The following OVOL1 variants were observed in gnomAD, a reference collection of about 807,000 sequenced individuals.
OVOL1 encodes ovo like transcriptional repressor 1.
Under a neutral mutation model 21.5 loss-of-function variants are expected in OVOL1, and 10 were observed. That is an observed-to-expected ratio of 0.46 (90% CI 0.29 to 0.79). The LOEUF (loss-of-function observed/expected upper bound fraction) is 0.79. Among genes scored for constraint, OVOL1 ranks in the 30% least tolerant of loss-of-function variants. The pLI is 0.10. For synonymous variants in OVOL1, 129 were observed against 150.3 expected (o/e 0.86, Z 1.03); for missense variants, 279 against 362.3 (o/e 0.77, Z 1.87).
chr11:65,788,098 C>T (rs1857939927), intron 1 of OVOL1, among the ~76,000 whole-genome samples: 1 of 152,202 alleles, frequency 6.6e-6, no homozygotes, highest in Non-Finnish European at 1.5e-5. Context: ...GCCCGCTGCG[C>T]CCCGCTTGCC....
intron 3 of OVOL1, 117 bp downstream of exon 3, chr11:65,794,844 C>T (rs1012798166): frequency 5.2e-6 from 6 of 1,144,988 alleles, no homozygotes; most frequent in East Asian, 4.9e-5. Context: ...GAGGGCATCC[C>T]GGAGCTCAGG....
intron 1 of OVOL1, among the ~76,000 whole-genome samples, chr11:65,791,946 G>A (rs755748096): frequency 7.9e-5 from 12 of 152,382 alleles, no homozygotes; most frequent in Non-Finnish European, 1.2e-4. Context: ...GCGTGTGGCC[G>A]CAGAAGGGAC....
At chr11:65,791,528 C>T (rs1858017713) in intron 1 of OVOL1, among the ~76,000 whole-genome samples, 1 of 152,222 alleles carries the variant, frequency 6.6e-6, no homozygotes, top group African/African-American at 2.4e-5. Flanking sequence ...GGGGACCCGG[C>T]ACTTTCCCCA....
intron 3 of OVOL1, 78 bp downstream of exon 3, chr11:65,794,805 C>T: frequency 2.8e-6 from 4 of 1,433,816 alleles, no homozygotes; most frequent in Non-Finnish European, 3.9e-6. Flanking sequence ...CCAGCACCCC[C>T]TGCTCTCCCT....
At chr11:65,794,293 A>T in intron 2 of OVOL1, 45 bp downstream of exon 2, 3 of 1,521,316 alleles carry the variant, frequency 2.0e-6, no homozygotes, top group Non-Finnish European at 2.7e-6. Context: ...GCGTGCATGT[A>T]GACCTGCGTC....
At chr11:65,792,720 C>T (rs921456931) in intron 1 of OVOL1, among the ~76,000 whole-genome samples, 3 of 152,318 alleles carry the variant, frequency 2.0e-5, no homozygotes, top group South Asian at 4.1e-4. Flanking sequence ...TGGGCGGCGG[C>T]GGGTGCATTC....
rs1858135881 is a variant in OVOL1, at chr11:65,796,481, C to G, written c.*1140C>G. The G allele has an allele frequency of 6.6e-6, 1 of 152,240 alleles. No homozygotes were observed. Among genetic ancestry groups the G allele is most frequent in the African/African-American group, 2.4e-5 (1 of 41,440 alleles). 9.4% of individuals were successfully genotyped at this position (152,240 alleles called of 1,614,324 possible). On this transcript the variant is annotated 3_prime_UTR_variant, in exon 4 of 4. Coordinates refer to ENST00000335987, the MANE Select transcript of OVOL1 (RefSeq NM_004561.4). The stretch of plus-strand genomic sequence containing the variant: ...ACTCTTGCAGGGCCAGGCTGGAAGA[C>G]CGGCCCTTTTCTTGGTTGAGTCAAA...
At chr11:65,793,515 C>A (rs758803376) in intron 1 of OVOL1, among the ~76,000 whole-genome samples, 8 of 152,208 alleles carry the variant, frequency 5.3e-5, no homozygotes, top group Non-Finnish European at 8.8e-5. Context: ...ACAGCAGGGA[C>A]CGGCCTGCTG....
rs1858100380 is a variant in OVOL1 at position 65,794,991 on chromosome 11, A to T, written c.509-55A>T. On this transcript the variant is annotated intron_variant, in intron 3 of 3. Transcript: ENST00000335987. Reference sequence around the variant, plus strand: ...TCCTTTCTGTGTCTGGAAGCAGCCGACAGCCTCTGAAGTCCCTGCCAGGTC... The same window carrying T: ...TCCTTTCTGTGTCTGGAAGCAGCCGTCAGCCTCTGAAGTCCCTGCCAGGTC... 1.5e-5 allele frequency: 23 copies of T among 1,565,004 alleles called. No homozygotes were observed. In the South Asian group the frequency reaches 2.5e-4, roughly 17 times the overall value.
Position 65,795,544 on chromosome 11 carries a change from C to G in OVOL1, c.*203C>G. 1.7e-6 allele frequency: 1 copy of G among 602,718 alleles called. No homozygotes were observed. Among genetic ancestry groups the G allele is most frequent in the Non-Finnish European group, 2.9e-6 (1 of 339,054 alleles). The allele number at this position is 602,718 out of a possible 1,614,324, so 37.3% of individuals were successfully genotyped here. A position where few individuals can be genotyped will look rare whatever the true frequency, so the allele number is the denominator to read the frequency against. On this transcript the variant is annotated 3_prime_UTR_variant, in exon 4 of 4. Transcript: ENST00000335987. The surrounding 1 kb of genome is among the most constrained non-coding windows in gnomAD (Gnocchi z 5.7). ...CCTCTGCTCATTTTTGCATTTTTGACTTATGGGCCGAGGCTGTTCTGAGCC... is the reference window on the plus strand; with the variant it reads ...CCTCTGCTCATTTTTGCATTTTTGAGTTATGGGCCGAGGCTGTTCTGAGCC...
rs1590995742 is a variant in OVOL1, at chr11:65,787,423, G to A, written c.50G>A (p.Arg17Lys). 1.3e-6 allele frequency: 2 copies of A among 1,596,454 alleles called. No individual in the cohort carries two copies. The highest frequency in any genetic ancestry group is 1.7e-6 in the Non-Finnish European group (2 of 1,171,806). Residue 17 changes from arginine (R) to lysine (K), a missense_variant, in exon 1 of 4, where the codon AGG becomes AAG. Physicochemically the swap from Arg to Lys is conservative, Grantham distance 26. Coordinates refer to ENST00000335987, the MANE Select transcript of OVOL1 (RefSeq NM_004561.4). ...AAGCCGTGCGTCTCCACGTGCAAGA[G>A]GAACTGGAGCGAGCTCCCCGACGAG... is the stretch of plus-strand genomic sequence containing the variant. ...VKKPCVSTCK[R>K]NWSELPDEER...
In OVOL1 at chr11:65,794,151, C is replaced by T. The variant is rs1858079272; in HGVS notation, c.221C>T (p.Pro74Leu). 6.2e-7 allele frequency: 1 copy of T among 1,613,702 alleles called. No homozygotes were observed. The highest frequency in any genetic ancestry group is 1.7e-5 in the Admixed American group (1 of 60,006). The change falls in exon 2 of 4, where the codon CCC becomes CTC. Residue 74 changes from proline to leucine, a missense_variant. Coordinates refer to ENST00000335987, the MANE Select transcript of OVOL1 (RefSeq NM_004561.4). ...SLRDSSYSMA[P>L]GPCVVAQLPS... is the part of the protein sequence containing the mutation. ...CGAGACTCTAGCTACAGCATGGCCCCCGGGCCCTGTGTGGTGGCCCAGCTG... is the reference window on the plus strand; with the variant it reads ...CGAGACTCTAGCTACAGCATGGCCCTCGGGCCCTGTGTGGTGGCCCAGCTG...
intron 1 of OVOL1, chr11:65,788,966 C>T (rs948003411): frequency 2.0e-5 from 20 of 985,618 alleles, no homozygotes; most frequent in Non-Finnish European, 2.4e-5. Context: ...CCTCCCCGCT[C>T]CGCCCTCCGC....
intron 1 of OVOL1, chr11:65,789,342 C>G (rs1857963069): frequency 1.3e-5 from 2 of 154,164 alleles, no homozygotes; most frequent in Admixed American, 6.5e-5. Context: ...GGAGACCTGC[C>G]GGCTTCTCTG....
intron 1 of OVOL1, chr11:65,788,523 A>C: frequency 1.0e-6 from 1 of 985,300 alleles, no homozygotes; most frequent in Non-Finnish European, 1.2e-6. Flanking sequence ...CTTGATCTGC[A>C]GACTCCCTGG....
At chr11:65,791,678 G>A (rs564840057) in intron 1 of OVOL1, among the ~76,000 whole-genome samples, 1 of 152,342 alleles carries the variant, frequency 6.6e-6, no homozygotes, top group South Asian at 2.1e-4. Context: ...CCTCAACATT[G>A]TCCAGGTAGA....
In OVOL1 at chr11:65,794,969, T is replaced by C. The variant is rs117043529; in HGVS notation, c.509-77T>C. ...GGCCCTAGAGGCAGGGGTCCTGTCC[T>C]TTCTGTGTCTGGAAGCAGCCGACAG... On this transcript the variant is annotated intron_variant, in intron 3 of 3. Coordinates refer to ENST00000335987, the MANE Select transcript of OVOL1 (RefSeq NM_004561.4). The C allele has an allele frequency of 3.6e-5, 53 of 1,479,056 alleles. No homozygotes were observed. In the East Asian group the frequency reaches 1.2e-3, roughly 35 times the overall value. 91.6% of individuals were successfully genotyped at this position (1,479,056 alleles called of 1,614,324 possible). A position where few individuals can be genotyped will look rare whatever the true frequency, so the allele number is the denominator to read the frequency against.
intron 3 of OVOL1, 85 bp from the exon 4 acceptor site, chr11:65,794,961 T>TCCA: frequency 7.1e-7 from 1 of 1,403,368 alleles, no homozygotes; most frequent in Non-Finnish European, 9.7e-7. Context: ...GAGGCAGGGG[T>TCCA]CCTGTCCTTT....
At position 65,794,176 on chromosome 11, in the gene OVOL1, GCCCTC is replaced by G. The variant is rs1858080012; in HGVS notation, c.247_251del (p.Pro83Ter). On this transcript the variant is annotated frameshift_variant, in exon 2 of 4. Coordinates refer to ENST00000335987, the MANE Select transcript of OVOL1 (RefSeq NM_004561.4). LOFTEE classifies it high-confidence loss of function. Reference sequence around the variant, plus strand: ...CCGGGCCCTGTGTGGTGGCCCAGCTGCCCTCTGAAGACATGGGCCACTTGACAGAC... The same window carrying G: ...CCGGGCCCTGTGTGGTGGCCCAGCTGTGAAGACATGGGCCACTTGACAGAC... 6.2e-7 allele frequency: 1 copy of G among 1,613,570 alleles called. No individual in the cohort carries two copies. The highest frequency in any genetic ancestry group is 1.3e-5 in the African/African-American group (1 of 74,934).
Sources: allele counts gnomAD v4.1 joint callset (sites outside exome capture counted in the v4.1 genomes callset), GRCh38; gene constraint gnomAD v4.1.1; non-coding constraint Gnocchi (gnomAD v3.1); transcripts MANE v1.5; gene names NCBI Gene and HGNC (gene_info 2026-07-23, HGNC 2026-07-21).